The following PTPRD variants were observed in gnomAD, a reference collection of about 807,000 sequenced individuals.
PTPRD encodes protein tyrosine phosphatase receptor type D.
A neutral mutation model predicts 214.5 loss-of-function variants in PTPRD; 34 were observed. That is an observed-to-expected ratio of 0.16 (90% CI 0.12 to 0.21). The LOEUF (loss-of-function observed/expected upper bound fraction) is 0.21, where lower values mean the gene tolerates loss of function less well. PTPRD is among the 10% of genes least tolerant of loss of function. The pLI is 1.00. For missense variants in PTPRD, 2,545 were observed against 2,398.7 expected, an observed-to-expected ratio of 1.06 and a Z score of -1.27; for synonymous variants, 1,128 against 845.7, an observed-to-expected ratio of 1.33 and a Z score of -5.79.
intron 3 of PTPRD, among the ~76,000 whole-genome samples, chr9:10,269,693 A>C (rs1212208364): frequency 6.6e-6 from 1 of 152,186 alleles, no homozygotes; most frequent in Admixed American, 6.5e-5. Context: ...GTAACTTTAA[A>C]AATTACAACA....
intron 35 of PTPRD, among the ~76,000 whole-genome samples, chr9:8,426,378 TC>T (rs1241952983): frequency 6.6e-6 from 1 of 152,168 alleles, no homozygotes; most frequent in Non-Finnish European, 1.5e-5. Context: ...ATGGCATCCC[TC>T]TAAGTACACA....
intron 4 of PTPRD, among the ~76,000 whole-genome samples, chr9:10,020,288 C>T (rs1483148445): frequency 6.6e-6 from 1 of 152,118 alleles, no homozygotes; most frequent in Non-Finnish European, 1.5e-5. Flanking sequence ...TATATCAATA[C>T]AATATTAGTT....
intron 7 of PTPRD, among the ~76,000 whole-genome samples, chr9:9,607,868 C>G (rs2094272496): frequency 6.6e-6 from 1 of 151,738 alleles, no homozygotes; most frequent in Non-Finnish European, 1.5e-5. Flanking sequence ...TGGGTAGTGA[C>G]TGACAAAAAA....
intron 2 of PTPRD, among the ~76,000 whole-genome samples, chr9:10,451,362 T>C (rs943593929): frequency 6.6e-6 from 1 of 151,936 alleles, no homozygotes; most frequent in Non-Finnish European, 1.5e-5. Context: ...TTACAAATAA[T>C]GTCATCATTC....
intron 4 of PTPRD, among the ~76,000 whole-genome samples, chr9:9,999,903 C>A (rs2096266623): frequency 6.6e-6 from 1 of 152,106 alleles, no homozygotes; most frequent in African/African-American, 2.4e-5. Flanking sequence ...TTGGTAAATT[C>A]TTGTCCTAAA....
intron 5 of PTPRD, among the ~76,000 whole-genome samples, chr9:9,923,754 A>G (rs1376471196): frequency 2.0e-5 from 3 of 152,018 alleles, no homozygotes; most frequent in African/African-American, 7.2e-5. Context: ...AGAGAAGTAC[A>G]CATCTAAAAT....
chr9:9,571,164 C>A (rs987829433), intron 8 of PTPRD, among the ~76,000 whole-genome samples: 3 of 151,376 alleles, frequency 2.0e-5, no homozygotes, highest in African/African-American at 7.3e-5. Flanking sequence ...CAACCTGTGG[C>A]AAACACATGT....
At chr9:9,336,987 G>T (rs902534913) in intron 9 of PTPRD, among the ~76,000 whole-genome samples, 2 of 152,024 alleles carry the variant, frequency 1.3e-5, no homozygotes, top group Non-Finnish European at 2.9e-5. Flanking sequence ...TTCTTTAAGG[G>T]AAGACCTATA....
chr9:10,462,626 G>C (rs75468319), intron 2 of PTPRD, among the ~76,000 whole-genome samples: 1 of 152,098 alleles, frequency 6.6e-6, no homozygotes, highest in Admixed American at 6.6e-5. Flanking sequence ...AGTAAGAGAT[G>C]TGCCTATTTC....
At chr9:8,397,134 T>G (rs1467876068) in intron 36 of PTPRD, among the ~76,000 whole-genome samples, 1 of 152,164 alleles carries the variant, frequency 6.6e-6, no homozygotes, top group Non-Finnish European at 1.5e-5. Context: ...ATGAGTTTTT[T>G]AAGGGATGGG....
chr9:9,839,880 A>G (rs1429742385), intron 5 of PTPRD, among the ~76,000 whole-genome samples: 1 of 152,156 alleles, frequency 6.6e-6, no homozygotes, highest in East Asian at 1.9e-4. Context: ...AATAAATCTA[A>G]TATTTATTTA....
intron 9 of PTPRD, among the ~76,000 whole-genome samples, chr9:9,322,278 GC>G (rs1966856416): frequency 1.3e-5 from 2 of 152,158 alleles, no homozygotes; most frequent in African/African-American, 4.8e-5. Context: ...AACGATAAAA[GC>G]TACTGATTAC....
At chr9:8,415,237 GCA>G (rs965936391) in intron 35 of PTPRD, among the ~76,000 whole-genome samples, 2 of 152,152 alleles carry the variant, frequency 1.3e-5, no homozygotes, top group African/African-American at 4.8e-5. Context: ...GTGTTTCTCA[GCA>G]CACATTTACT....
In PTPRD at chr9:8,955,753, TAA is replaced by T. The variant is rs568152106; in HGVS notation, c.-104+62942_-104+62943del. Among the ~76,000 whole-genome samples, 943 of 151,814 alleles carry T rather than the reference TAA, an allele frequency of 6.2e-3. 12 individuals carry two copies. The highest frequency in any genetic ancestry group is 9.7e-3 in the Non-Finnish European group (658 of 67,860). On this transcript the variant is annotated intron_variant, in intron 11 of 45. Transcript: ENST00000381196. ...AAATCTAAAATGTATGCCTTTTAAT[TAA>T]AAAAAGTCTTTCACACACATCTAAC...
In PTPRD at chr9:10,324,703, C is replaced by T. The variant is rs558639961; in HGVS notation, c.-545+16260G>A. Among the ~76,000 whole-genome samples, 13 of 151,992 alleles carry T rather than the reference C, an allele frequency of 8.6e-5. No homozygotes were observed. The South Asian group carries it at 1.5e-3, about 17-fold the overall frequency. ...TCTAGGGTATTCCTATTGATCACCC[C>T]GCCTTCAAAGAAACACTCAGTCTTT... On this transcript the variant is annotated intron_variant, in intron 3 of 45. Transcript: ENST00000381196.
intron 5 of PTPRD, among the ~76,000 whole-genome samples, chr9:9,778,850 G>C (rs1017492713): frequency 2.0e-5 from 3 of 151,368 alleles, no homozygotes; most frequent in African/African-American, 4.9e-5. Context: ...CACAAAATTA[G>C]AAAAAAATTT....
chr9:8,760,862 T>C (rs988110581), intron 11 of PTPRD, among the ~76,000 whole-genome samples: 11 of 152,360 alleles, frequency 7.2e-5, no homozygotes, highest in African/African-American at 2.6e-4. Context: ...AATTGTACTA[T>C]GGTTCCTTGC....
At chr9:9,144,518 C>T (rs1325383994) in intron 10 of PTPRD, among the ~76,000 whole-genome samples, 1 of 152,192 alleles carries the variant, frequency 6.6e-6, no homozygotes, top group South Asian at 2.1e-4. Flanking sequence ...CTTTGGGAGG[C>T]TGAGGCGGGT....
intron 7 of PTPRD, among the ~76,000 whole-genome samples, chr9:9,576,921 A>G (rs1337694902): frequency 6.6e-6 from 1 of 152,188 alleles, no homozygotes; most frequent in Non-Finnish European, 1.5e-5. Flanking sequence ...AATCACATAA[A>G]GAGATTTATG....
Sources: allele counts gnomAD v4.1 joint callset (sites outside exome capture counted in the v4.1 genomes callset), GRCh38; gene constraint gnomAD v4.1.1; transcripts MANE v1.5; gene names NCBI Gene and HGNC (gene_info 2026-07-23, HGNC 2026-07-21).